FAM83D: variants seen among roughly 807,000 people sequenced by gnomAD.
FAM83D encodes the protein scaffolding CK1 anchoring protein D, also known as protein FAM83D.
FAM83D carries 26 observed loss-of-function variants against 25.4 expected under a neutral mutation model. The observed-to-expected ratio is 1.02, with a 90% confidence interval of 0.75 to 1.42. The LOEUF (loss-of-function observed/expected upper bound fraction) is 1.42. Ranked by LOEUF, FAM83D falls within the 40% of genes most tolerant of loss-of-function variation. The pLI, the probability that FAM83D is intolerant of heterozygous loss-of-function variation, is 0.00. For synonymous variants in FAM83D, 310 were observed against 318.5 expected (o/e 0.97, Z 0.28); for missense variants, 740 against 758.1 (o/e 0.98, Z 0.28).
intron 1 of FAM83D, among the ~76,000 whole-genome samples, chr20:38,939,081 G>A (rs1490750098): frequency 6.6e-6 from 1 of 152,156 alleles, no homozygotes; most frequent in East Asian, 1.9e-4. Flanking sequence ...ATGTCCCGTG[G>A]CTCCCTTTCA....
intron 1 of FAM83D, among the ~76,000 whole-genome samples, chr20:38,934,021 A>AT (rs988347541): frequency 1.5e-4 from 23 of 151,802 alleles, no homozygotes; most frequent in African/African-American, 5.6e-4. Flanking sequence ...CGCCCGGCTA[A>AT]TTTTTTTGTA....
intron 2 of FAM83D, among the ~76,000 whole-genome samples, chr20:38,947,517 T>G (rs1569539): frequency 1.2e-4 from 18 of 152,256 alleles, no homozygotes; most frequent in African/African-American, 4.3e-4. Context: ...TTTTCTTTGA[T>G]GATTTTATCC....
chr20:38,947,963 T>C lies in FAM83D; in HGVS notation c.739T>C (p.Leu247=), dbSNP rs200100785. The C allele has an allele frequency of 3.3e-5, 54 of 1,614,108 alleles. No individual in the cohort carries two copies. The Middle Eastern group carries it at 4.9e-4, about 15-fold the overall frequency. The part of the protein sequence containing the change: ...IIGKVHEKFT[L]IDGIRVATGS... The stretch of plus-strand genomic sequence containing the variant: ...TGGGAAGGTTCACGAAAAGTTCACG[T>C]TGATTGATGGCATCCGCGTGGCAAC... Residue 247 remains leucine (L), a synonymous_variant, in exon 3 of 4, where the codon TTG becomes CTG. Transcript: ENST00000619850.
chr20:38,945,558 A>C (rs2085723301), intron 2 of FAM83D, among the ~76,000 whole-genome samples: 2 of 152,148 alleles, frequency 1.3e-5, no homozygotes, highest in African/African-American at 4.8e-5. Flanking sequence ...TATCAATACT[A>C]TCTAATTTAC....
intron 1 of FAM83D, among the ~76,000 whole-genome samples, chr20:38,939,258 G>C (rs146840804): frequency 5.6e-4 from 86 of 152,296 alleles, no homozygotes; most frequent in African/African-American, 1.9e-3. Context: ...TCTCCTCCAG[G>C]AAGCCTTCCC....
chr20:38,949,152 A>C (rs1463892531), intron 3 of FAM83D, among the ~76,000 whole-genome samples: 1 of 146,596 alleles, frequency 6.8e-6, no homozygotes, highest in Non-Finnish European at 1.5e-5. Context: ...ACATTATCTC[A>C]TTGAAGGCTT....
rs972534843 is a variant in FAM83D, at chr20:38,952,343, G to A, written c.1581G>A (p.Leu527=). 1.9e-6 allele frequency: 3 copies of A among 1,614,152 alleles called. No homozygotes were observed. The highest frequency in any genetic ancestry group is 2.7e-5 in the African/African-American group (2 of 75,036). ...ACTTGAGTGACTCACTTAGAAACTTGAACAAAGAGCGGCAATTCCACTTCG... is the reference window on the plus strand; with the variant it reads ...ACTTGAGTGACTCACTTAGAAACTTAAACAAAGAGCGGCAATTCCACTTCG... ...ELYLSDSLRN[L]NKERQFHFAG... The change falls in exon 4 of 4, where the codon TTG becomes TTA. Residue 527 remains leucine, a synonymous_variant. Coordinates refer to ENST00000619850, the MANE Select transcript of FAM83D (RefSeq NM_030919.3).
intron 2 of FAM83D, among the ~76,000 whole-genome samples, chr20:38,944,181 A>G (rs6028217): frequency 0.01 from 1,544 of 152,322 alleles, 27 homozygotes; most frequent in African/African-American, 0.035. Flanking sequence ...CTTTGGTACT[A>G]TAAGTTACTG....
intron 1 of FAM83D, among the ~76,000 whole-genome samples, chr20:38,932,735 G>T (rs984016111): frequency 1.4e-4 from 22 of 152,228 alleles, no homozygotes; most frequent in African/African-American, 5.3e-4. Flanking sequence ...TGGCTGTCCG[G>T]CTATTCCTGG....
intron 1 of FAM83D, 116 bp downstream of exon 1, chr20:38,927,041 C>T: frequency 7.3e-7 from 1 of 1,374,766 alleles, no homozygotes; most frequent in Non-Finnish European, 9.3e-7. Flanking sequence ...CTACCGGAAG[C>T]GCGCGCGGGC....
chr20:38,941,373 C>T (rs962811842), intron 1 of FAM83D, among the ~76,000 whole-genome samples: 4 of 152,104 alleles, frequency 2.6e-5, no homozygotes, highest in South Asian at 2.1e-4. Flanking sequence ...CGATTGCTTT[C>T]GAGTCATGAG....
Position 38,926,473 on chromosome 20 carries a change from G to C in FAM83D, c.31G>C (p.Val11Leu), listed in dbSNP as rs3752290. 0.32 allele frequency: 516,046 copies of C among 1,595,422 alleles called. 85,935 individuals carry two copies. The highest frequency in any genetic ancestry group is 0.5 in the African/African-American group (37,269 of 74,610). MALLSEGLDEVPAACLSPCGP... is the reference protein window; with the variant it reads MALLSEGLDELPAACLSPCGP... ...TCTGCTGTCCGAGGGCCTGGACGAG[G>C]TGCCCGCCGCCTGCCTGTCGCCGTG... The change falls in exon 1 of 4, where the codon GTG (valine) becomes CTG (leucine). Residue 11 changes from valine (V) to leucine (L), a missense_variant. Physicochemically the swap from Val to Leu is conservative, Grantham distance 32. Coordinates refer to ENST00000619850, the MANE Select transcript of FAM83D (RefSeq NM_030919.3).
intron 3 of FAM83D, among the ~76,000 whole-genome samples, chr20:38,949,874 A>G (rs2085745675): frequency 6.6e-6 from 1 of 152,198 alleles, no homozygotes; most frequent in African/African-American, 2.4e-5. Context: ...GCCGGAATGC[A>G]GTGGACGATC....
intron 1 of FAM83D, among the ~76,000 whole-genome samples, chr20:38,939,732 A>G (rs1159982247): frequency 1.3e-5 from 2 of 152,070 alleles, no homozygotes; most frequent in South Asian, 2.1e-4. Context: ...AGTTGGGTCT[A>G]TGTCAAATTC....
chr20:38,942,767 A>G (rs2085708401), intron 2 of FAM83D, among the ~76,000 whole-genome samples: 1 of 152,212 alleles, frequency 6.6e-6, no homozygotes, highest in South Asian at 2.1e-4. Flanking sequence ...ACTAAAAACT[A>G]CAGAATTTGT....
rs1173092369 is a variant in FAM83D at position 38,927,498 on chromosome 20, CTTTTTTTT to C, written c.483+588_483+595del. Among the ~76,000 whole-genome samples the C allele has an allele frequency of 5.1e-3, 522 of 101,418 alleles. 1 individual carries two copies. Among genetic ancestry groups the C allele is most frequent in the African/African-American group, 0.019 (500 of 25,828 alleles). The allele number at this position is 101,418 out of a possible 152,430, so 66.5% of individuals were successfully genotyped here. ...AGCCCTGCCGCTTTTTCTTTCTTGT[CTTTTTTTT>C]TTTTTTTTTTTTTTGAGACAGATTC... On this transcript the variant is annotated intron_variant, in intron 1 of 3. Transcript: ENST00000619850.
At chr20:38,937,538 G>A (rs544934552) in intron 1 of FAM83D, among the ~76,000 whole-genome samples, 1 of 152,300 alleles carries the variant, frequency 6.6e-6, no homozygotes, top group African/African-American at 2.4e-5. Context: ...CTAGCCCCAG[G>A]TCTACTTCAG....
Position 38,951,896 on chromosome 20 carries a change from G to T in FAM83D, c.1134G>T (p.Arg378Ser). 1 of 1,614,154 alleles carries T rather than the reference G, an allele frequency of 6.2e-7. No individual in the cohort carries two copies. The highest frequency in any genetic ancestry group is 1.7e-5 in the Admixed American group (1 of 60,008). ...VSEEDYFSSH[R>S]DELQSRKAID... Reference sequence around the variant, plus strand: ...AGGAAGACTACTTCAGCAGCCACAGGGACGAGCTCCAGAGCAGAAAGGCCA... The same window carrying T: ...AGGAAGACTACTTCAGCAGCCACAGTGACGAGCTCCAGAGCAGAAAGGCCA... The change falls in exon 4 of 4, where the codon AGG becomes AGT. Residue 378 changes from arginine (R) to serine (S), a missense_variant. Arg to Ser is a moderately radical substitution (Grantham distance 110). Transcript: ENST00000619850.
chr20:38,931,050 G>A (rs1240782040), intron 1 of FAM83D, among the ~76,000 whole-genome samples: 2 of 152,236 alleles, frequency 1.3e-5, no homozygotes, highest in Admixed American at 6.5e-5. Flanking sequence ...GATTACAGGC[G>A]TGAGCCGCTG....
Sources: gnomAD v4.1 joint callset for allele counts (sites outside exome capture counted in the v4.1 genomes callset) on GRCh38, gnomAD v4.1.1 for gene constraint, MANE v1.5 for transcripts, NCBI Gene and HGNC (gene_info 2026-07-23, HGNC 2026-07-21) for gene names.